GJC1: variants seen among roughly 807,000 people sequenced by gnomAD.
The protein encoded by GJC1 is gap junction gamma-1 protein.
In GJC1, 5 loss-of-function variants were observed where a neutral mutation model predicts 29.3. That is an observed-to-expected ratio of 0.17 (90% CI 0.09 to 0.36). The LOEUF is 0.36. Among genes scored for constraint, GJC1 ranks in the 10% least tolerant of loss-of-function variants. The pLI, the probability that GJC1 is intolerant of heterozygous loss-of-function variation, is 1.00. For synonymous variants in GJC1, 177 were observed against 183.3 expected (o/e 0.97, Z 0.28); for missense variants, 310 against 496.2 (o/e 0.62, Z 3.56).
At chr17:44,815,832 C>G (rs4793156) in intron 1 of GJC1, among the ~76,000 whole-genome samples, 117,901 of 151,944 alleles carry the variant, frequency 0.78, 45,786 homozygotes, top group African/African-American at 0.81. Context: ...GGTTGAAAAA[C>G]TTGGGGCGCG....
intron 1 of GJC1, among the ~76,000 whole-genome samples, chr17:44,823,344 C>T (rs917717884): frequency 2.0e-5 from 3 of 150,752 alleles, no homozygotes; most frequent in African/African-American, 4.9e-5. Context: ...CTCCGCCTCC[C>T]GGGTTCAAGT....
In GJC1 at chr17:44,799,065, T is replaced by C. The variant is rs764882504; in HGVS notation, c.*5562A>G. 10 of 152,436 alleles carry C rather than the reference T, an allele frequency of 6.6e-5. No individual in the cohort carries two copies. Among genetic ancestry groups the C allele is most frequent in the East Asian group, 5.8e-4 (3 of 5,198 alleles). 9.4% of individuals were successfully genotyped at this position (152,436 alleles called of 1,614,324 possible). ...ATTTTTAGTAGAGACAGTTTTGCCA[T>C]GTTGGCCAGGCTGGTCTCGAACTCC... On this transcript the variant is annotated 3_prime_UTR_variant, in exon 3 of 3. Coordinates refer to ENST00000592524, the MANE Select transcript of GJC1 (RefSeq NM_005497.4).
At chr17:44,824,592 C>T (rs535527202) in intron 1 of GJC1, among the ~76,000 whole-genome samples, 1 of 152,102 alleles carries the variant, frequency 6.6e-6, no homozygotes, top group African/African-American at 2.4e-5. Context: ...TGTGCCACTG[C>T]ACTCCAGACT....
intron 1 of GJC1, among the ~76,000 whole-genome samples, chr17:44,821,087 T>C (rs747883171): frequency 3.3e-5 from 5 of 152,198 alleles, no homozygotes; most frequent in Admixed American, 6.5e-5. Flanking sequence ...AAAAGCACCA[T>C]TGTGGGTTGA....
At chr17:44,823,911 C>T (rs1256265436) in intron 1 of GJC1, among the ~76,000 whole-genome samples, 3 of 151,784 alleles carry the variant, frequency 2.0e-5, no homozygotes, top group African/African-American at 7.3e-5. Flanking sequence ...CGGGGTTTCA[C>T]GGTGTTAGCC....
In GJC1 at chr17:44,805,323, T is replaced by C; in HGVS notation, c.495A>G (p.Arg165=). The change falls in exon 3 of 3, where the codon CGA becomes CGG. Residue 165 remains arginine (R), a synonymous_variant. Coordinates refer to ENST00000592524, the MANE Select transcript of GJC1 (RefSeq NM_005497.4). This position sits in a 1 kb window ranked among gnomAD's most constrained non-coding sequence, Gnocchi z 5.1. ...QSQPKPKHDG[R]RRIREDGLMK... ...TGAGCCCATCTTCCCGAATCCGTCG[T>C]CGGCCATCATGCTTAGGTTTGGGTT... 6.2e-7 allele frequency: 1 copy of C among 1,614,208 alleles called. No homozygotes were observed. The highest frequency in any genetic ancestry group is 2.2e-5 in the East Asian group (1 of 44,884).
downstream of GJC1, chr17:44,798,409 TTGG>T (rs2049799657): frequency 6.6e-6 from 1 of 152,194 alleles, no homozygotes; most frequent in African/African-American, 2.4e-5. Context: ...TGATTTTCAG[TTGG>T]TTTCGAATTC....
intron 1 of GJC1, among the ~76,000 whole-genome samples, chr17:44,812,464 T>C (rs1261497725): frequency 3.3e-5 from 5 of 152,158 alleles, no homozygotes; most frequent in Admixed American, 3.3e-4. Context: ...GGTCTGATTT[T>C]TTCAAATTCA....
intron 1 of GJC1, among the ~76,000 whole-genome samples, chr17:44,810,585 C>T (rs867816627): frequency 1.2e-4 from 19 of 152,204 alleles, no homozygotes; most frequent in South Asian, 6.2e-4. Flanking sequence ...AGTATCGCTA[C>T]GGTCTATGCT....
At chr17:44,812,784 A>T (rs958452960) in intron 1 of GJC1, among the ~76,000 whole-genome samples, 1 of 150,942 alleles carries the variant, frequency 6.6e-6, no homozygotes, top group Non-Finnish European at 1.5e-5. Context: ...AATAGCTGGG[A>T]CTACAGGCCC....
At chr17:44,809,601 A>T (rs1451061191) in intron 1 of GJC1, among the ~76,000 whole-genome samples, 2 of 142,318 alleles carry the variant, frequency 1.4e-5, no homozygotes, top group Non-Finnish European at 3.0e-5. Flanking sequence ...ACGGAGTTTC[A>T]CTCTTGTTGT....
rs953490307 is a variant in GJC1, at chr17:44,798,782, T to A, written c.*5845A>T. On this transcript the variant is annotated 3_prime_UTR_variant, in exon 3 of 3. Coordinates refer to ENST00000592524, the MANE Select transcript of GJC1 (RefSeq NM_005497.4). ...TAGAGATTTCTGTAAGAGATTTTTT[T>A]AAAACACAATTGAGAGTATAATACA... The A allele has an allele frequency of 6.6e-6, 1 of 152,230 alleles. No homozygotes were observed. Among genetic ancestry groups the A allele is most frequent in the African/African-American group, 2.4e-5 (1 of 41,462 alleles). 9.4% of individuals were successfully genotyped at this position (152,230 alleles called of 1,614,324 possible).
At chr17:44,823,891 T>C (rs1045139681) in intron 1 of GJC1, among the ~76,000 whole-genome samples, 8 of 151,582 alleles carry the variant, frequency 5.3e-5, no homozygotes, top group African/African-American at 1.9e-4. Context: ...TTTTGTATTT[T>C]TAGTAGAGAC....
chr17:44,808,428 TACACACACAC>T (rs56999580), intron 1 of GJC1, among the ~76,000 whole-genome samples: 6 of 147,442 alleles, frequency 4.1e-5, no homozygotes, highest in African/African-American at 1.0e-4. Flanking sequence ...CCCTGTCTCT[TACACACACAC>T]ACACACACAC....
intron 1 of GJC1, among the ~76,000 whole-genome samples, chr17:44,823,010 C>T (rs969626976): frequency 6.6e-6 from 1 of 152,056 alleles, no homozygotes; most frequent in Non-Finnish European, 1.5e-5. Flanking sequence ...AAAATAGAGT[C>T]CAGCTCTAAT....
At chr17:44,809,524 G>C (rs186422923) in intron 1 of GJC1, among the ~76,000 whole-genome samples, 1 of 150,958 alleles carries the variant, frequency 6.6e-6, no homozygotes, top group Non-Finnish European at 1.5e-5. Flanking sequence ...CAATTAGTTA[G>C]AACTAACTCA....
Position 44,800,080 on chromosome 17 carries a change from A to AT in GJC1, c.*4546dup, listed in dbSNP as rs1229775165. 4 of 152,152 alleles carry AT rather than the reference A, an allele frequency of 2.6e-5. No homozygotes were observed. Among genetic ancestry groups the AT allele is most frequent in the Non-Finnish European group, 5.9e-5 (4 of 68,014 alleles). The allele number at this position is 152,152 out of a possible 1,614,324, so 9.4% of individuals were successfully genotyped here. On this transcript the variant is annotated 3_prime_UTR_variant, in exon 3 of 3. Transcript: ENST00000592524. ...ATTTATTACACATAAATGAGTTTAA[A>AT]TTTTATTTCCAAACTGCATGCAGGG...
intron 1 of GJC1, among the ~76,000 whole-genome samples, chr17:44,817,250 A>C (rs1250076575): frequency 6.6e-6 from 1 of 152,124 alleles, no homozygotes; most frequent in Non-Finnish European, 1.5e-5. Flanking sequence ...ATTTGCCTAA[A>C]ATCATCTACT....
intron 1 of GJC1, among the ~76,000 whole-genome samples, chr17:44,828,873 A>G (rs1443629053): frequency 6.6e-6 from 1 of 152,030 alleles, no homozygotes; most frequent in African/African-American, 2.4e-5. Context: ...TTCCTAAATG[A>G]CATTATTAAC....
Sources: gnomAD v4.1 joint callset for allele counts (sites outside exome capture counted in the v4.1 genomes callset) on GRCh38, gnomAD v4.1.1 for gene constraint, Gnocchi (gnomAD v3.1) non-coding constraint, MANE v1.5 for transcripts, NCBI Gene and HGNC (gene_info 2026-07-23, HGNC 2026-07-21) for gene names.